UTS2B: variants seen among roughly 807,000 people sequenced by gnomAD.
UTS2B encodes urotensin-2B.
In UTS2B, 21 loss-of-function variants were observed where a neutral mutation model predicts 19.2. That is an observed-to-expected ratio of 1.09 (90% CI 0.78 to 1.58). The LOEUF is 1.58. Among genes scored for constraint, UTS2B ranks in the 40% most tolerant of loss-of-function variants. UTS2B has a pLI of 0.00. For synonymous variants in UTS2B, 57 were observed against 50.2 expected, an observed-to-expected ratio of 1.14 and a Z score of -0.58; for missense variants, 138 against 130.3, an observed-to-expected ratio of 1.06 and a Z score of -0.29.
the UTS2B span, among the ~76,000 whole-genome samples, chr3:191,341,708 A>G: frequency 6.6e-6 from 1 of 152,216 alleles, no homozygotes; most frequent in Non-Finnish European, 1.5e-5. Context: ...TAAGGTGAAT[A>G]TAAATTTCTT....
the UTS2B span, among the ~76,000 whole-genome samples, chr3:191,336,529 T>G: frequency 2.6e-5 from 4 of 152,182 alleles, no homozygotes; most frequent in African/African-American, 9.7e-5. Context: ...TTCTTATTAT[T>G]GAATTTGGGA....
the UTS2B span, among the ~76,000 whole-genome samples, chr3:191,336,108 C>G: frequency 4.7e-5 from 7 of 150,478 alleles, no homozygotes; most frequent in African/African-American, 1.7e-4. Context: ...ACAGTAAAGT[C>G]ACTCTAAACA....
intron 4 of UTS2B, among the ~76,000 whole-genome samples, chr3:191,292,066 C>A (rs191054351): frequency 1.7e-4 from 25 of 150,912 alleles, no homozygotes; most frequent in Non-Finnish European, 2.8e-4. Flanking sequence ...GTTTTGATTT[C>A]TCTGTATCCC....
upstream of UTS2B, among the ~76,000 whole-genome samples, chr3:191,334,576 A>G (rs112219993): frequency 2.7e-4 from 41 of 152,136 alleles, no homozygotes; most frequent in South Asian, 4.1e-4. Flanking sequence ...CACTGAGGCT[A>G]AGTAGCTAGG....
chr3:191,284,548 T>C (rs1274708214), intron 4 of UTS2B, among the ~76,000 whole-genome samples: 3 of 150,858 alleles, frequency 2.0e-5, no homozygotes, highest in Admixed American at 2.0e-4. Flanking sequence ...GGTCTTGAAC[T>C]CCTGACCTTA....
intron 3 of UTS2B, among the ~76,000 whole-genome samples, chr3:191,306,824 G>A (rs1430435212): frequency 2.0e-5 from 3 of 152,116 alleles, no homozygotes; most frequent in African/African-American, 7.2e-5. Context: ...TAGAGACAGA[G>A]TTTCACCGTG....
At chr3:191,291,932 A>T (rs1402125476) in intron 4 of UTS2B, among the ~76,000 whole-genome samples, 2 of 152,134 alleles carry the variant, frequency 1.3e-5, no homozygotes, top group Non-Finnish European at 2.9e-5. Flanking sequence ...CTGAACTATA[A>T]ATTTTATTCC....
chr3:191,306,367 A>G (rs778149741), intron 3 of UTS2B, among the ~76,000 whole-genome samples: 2 of 152,224 alleles, frequency 1.3e-5, no homozygotes, highest in Non-Finnish European at 2.9e-5. Flanking sequence ...ATCATTTATA[A>G]TTAGGTATAA....
At chr3:191,322,785 A>G (rs1717643801) in intron 2 of UTS2B, among the ~76,000 whole-genome samples, 1 of 152,250 alleles carries the variant, frequency 6.6e-6, no homozygotes, top group African/African-American at 2.4e-5. Flanking sequence ...TTTAGCAGAC[A>G]TGCACAACCA....
At chr3:191,283,986 G>T (rs971460861) in intron 4 of UTS2B, among the ~76,000 whole-genome samples, 8 of 151,980 alleles carry the variant, frequency 5.3e-5, no homozygotes, top group African/African-American at 7.2e-5. Context: ...GTGATGTAGA[G>T]AGAATATATA....
intron 4 of UTS2B, among the ~76,000 whole-genome samples, chr3:191,291,913 G>A (rs1034818919): frequency 6.6e-6 from 1 of 152,038 alleles, no homozygotes; most frequent in African/African-American, 2.4e-5. Context: ...TAGATGTATG[G>A]TTTTATTTCT....
At chr3:191,275,540 C>T (rs538215045) in intron 7 of UTS2B, among the ~76,000 whole-genome samples, 195 bp from the exon 8 acceptor site, 32 of 151,948 alleles carry the variant, frequency 2.1e-4, no homozygotes, top group Non-Finnish European at 3.2e-4. Flanking sequence ...ATTAGCTGGG[C>T]GTGGTAGCAG....
At chr3:191,317,006 G>A (rs563547284) in intron 2 of UTS2B, among the ~76,000 whole-genome samples, 43 of 152,382 alleles carry the variant, frequency 2.8e-4, no homozygotes, top group Middle Eastern at 6.8e-3. Context: ...CCCGCACTGC[G>A]TGCCTGCACT....
chr3:191,345,732 G>A, the UTS2B span, among the ~76,000 whole-genome samples: 1 of 151,740 alleles, frequency 6.6e-6, no homozygotes, highest in Admixed American at 6.6e-5. Context: ...TTGAATTTAG[G>A]GGATTAGAAA....
At chr3:191,342,506 T>C in the UTS2B span, among the ~76,000 whole-genome samples, 1 of 152,214 alleles carries the variant, frequency 6.6e-6, no homozygotes, top group Non-Finnish European at 1.5e-5. Context: ...TCTTTTGTCA[T>C]ATGAAGCCAA....
chr3:191,342,014 A>G, the UTS2B span, among the ~76,000 whole-genome samples: 2 of 152,198 alleles, frequency 1.3e-5, no homozygotes, highest in African/African-American at 4.8e-5. Flanking sequence ...AACTGATTTG[A>G]TTCTAGGAAT....
intron 2 of UTS2B, among the ~76,000 whole-genome samples, chr3:191,317,550 C>G (rs1047980846): frequency 1.4e-5 from 2 of 147,108 alleles, no homozygotes; most frequent in African/African-American, 5.0e-5. Context: ...ACGTTGTCAC[C>G]TCTCATTAGG....
At chr3:191,345,645 C>A in the UTS2B span, among the ~76,000 whole-genome samples, 3 of 152,156 alleles carry the variant, frequency 2.0e-5, no homozygotes, top group Admixed American at 2.0e-4. Context: ...TGCCTGCAAT[C>A]TGGTGTATCT....
chr3:191,271,409 G>A (rs1716091590), intron 8 of UTS2B, among the ~76,000 whole-genome samples: 2 of 152,118 alleles, frequency 1.3e-5, no homozygotes, highest in South Asian at 4.1e-4. Flanking sequence ...CATCTCCTCA[G>A]CTGCAGCACC....
Sources: gnomAD v4.1 joint callset for allele counts (sites outside exome capture counted in the v4.1 genomes callset) on GRCh38, gnomAD v4.1.1 for gene constraint, MANE v1.5 for transcripts, NCBI Gene and HGNC (gene_info 2026-07-23, HGNC 2026-07-21) for gene names.